The following ZNF567 variants were observed in gnomAD, a reference collection of about 807,000 sequenced individuals.
The protein encoded by ZNF567 is zinc finger protein 567.
ZNF567 carries 36 observed loss-of-function variants against 53.9 expected under a neutral mutation model. That is an observed-to-expected ratio of 0.67 (90% confidence interval 0.51 to 0.88). The LOEUF is 0.88. Ranked by LOEUF, ZNF567 falls within the 40% of genes least tolerant of loss-of-function variation. The pLI is 0.00. For synonymous variants in ZNF567, 224 were observed against 260.4 expected, an observed-to-expected ratio of 0.86 and a Z score of 1.35; for missense variants, 619 against 764.7, an observed-to-expected ratio of 0.81 and a Z score of 2.25.
At position 36,697,725 on chromosome 19, in the gene ZNF567, C is replaced by T. The variant is rs540784148; in HGVS notation, c.9+2849C>T. Among the ~76,000 whole-genome samples, 4 of 151,492 alleles carry T rather than the reference C, an allele frequency of 2.6e-5. No individual in the cohort carries two copies. In the South Asian group the frequency reaches 6.3e-4, roughly 24 times the overall value. ...CTCCCAGGTTCAAGCGATTCTGGTG[C>T]GTCAGCCTCCCACGTAGCTGGGATT... On this transcript the variant is annotated intron_variant, in intron 3 of 5. Transcript: ENST00000682579.
chr19:36,677,736 C>T, the ZNF567 span, among the ~76,000 whole-genome samples: 1 of 152,004 alleles, frequency 6.6e-6, no homozygotes, highest in African/African-American at 2.4e-5. Context: ...CACTGCACTC[C>T]AATCTGGGCA....
intron 5 of ZNF567, among the ~76,000 whole-genome samples, chr19:36,713,284 A>G (rs570520296): frequency 6.6e-6 from 1 of 152,140 alleles, no homozygotes; most frequent in East Asian, 1.9e-4. Context: ...GCAAAACCCC[A>G]TCTTTACAAA....
chr19:36,714,320 C>G (rs1024565349), intron 5 of ZNF567: 1 of 337,320 alleles, frequency 3.0e-6, no homozygotes, highest in African/African-American at 2.1e-5. Flanking sequence ...CATCAACAGG[C>G]CTGGCTAACT....
intron 5 of ZNF567, 149 bp from the exon 6 acceptor site, chr19:36,718,799 G>T: frequency 1.9e-6 from 1 of 536,766 alleles, no homozygotes; most frequent in Non-Finnish European, 3.2e-6. Context: ...AGCAGTTTTT[G>T]TTTAGGTTCC....
chr19:36,671,204 T>C, the ZNF567 span, among the ~76,000 whole-genome samples: 2 of 152,212 alleles, frequency 1.3e-5, no homozygotes, highest in South Asian at 2.1e-4. Flanking sequence ...GCAAGTACTC[T>C]AGATTTATTG....
At position 36,720,743 on chromosome 19, in the gene ZNF567, A is replaced by G; in HGVS notation, c.*75A>G. The stretch of plus-strand genomic sequence containing the variant: ...GTTTTAAAAAGAAAAGCATGCTGAA[A>G]CATGTTAATGTAATTTTAAATCACA... On this transcript the variant is annotated 3_prime_UTR_variant, in exon 6 of 6. Transcript: ENST00000682579. The G allele has an allele frequency of 7.6e-7, 1 of 1,310,288 alleles. No homozygotes were observed. 81.2% of individuals were successfully genotyped at this position (1,310,288 alleles called of 1,614,324 possible).
At chr19:36,712,634 G>GA in intron 4 of ZNF567, 122 bp downstream of exon 4, 1 of 1,462,146 alleles carries the variant, frequency 6.8e-7, no homozygotes, top group South Asian at 1.2e-5. Flanking sequence ...CAGAATGAAT[G>GA]ATTGTGTCTT....
At chr19:36,672,219 G>A in the ZNF567 span, among the ~76,000 whole-genome samples, 13 of 152,238 alleles carry the variant, frequency 8.5e-5, no homozygotes, top group Admixed American at 4.6e-4. Flanking sequence ...GAAATAGCCA[G>A]ATGTGACATT....
At chr19:36,708,046 CCA>C (rs1353709695) in intron 3 of ZNF567, among the ~76,000 whole-genome samples, 2 of 152,084 alleles carry the variant, frequency 1.3e-5, no homozygotes. Context: ...CAGGTGTGTG[CCA>C]CCACACCTAG....
In ZNF567 at chr19:36,712,770, TCAC is replaced by T; in HGVS notation, c.137-10_137-8del. On this transcript the variant is annotated splice_polypyrimidine_tract_variant and splice_region_variant and intron_variant, in intron 4 of 5. Transcript: ENST00000682579. ...AGCCCAATCAACTTAAGTCTTTTTT[TCAC>T]TTTTCAGGGTGTCACATGACCAAAC... 6.2e-7 allele frequency: 1 copy of T among 1,611,636 alleles called. No individual in the cohort carries two copies. The highest frequency in any genetic ancestry group is 1.7e-5 in the Admixed American group (1 of 59,344).
chr19:36,691,293 G>A (rs560443945), intron 2 of ZNF567, among the ~76,000 whole-genome samples: 83 of 152,108 alleles, frequency 5.5e-4, no homozygotes, highest in Admixed American at 1.3e-3. Flanking sequence ...CAAGTAGCTG[G>A]GACTACAGGC....
chr19:36,671,464 G>A, the ZNF567 span, among the ~76,000 whole-genome samples: 1 of 152,176 alleles, frequency 6.6e-6, no homozygotes, highest in Non-Finnish European at 1.5e-5. Flanking sequence ...CATTTACCAA[G>A]TGATCCAAAA....
intron 3 of ZNF567, among the ~76,000 whole-genome samples, chr19:36,696,490 T>A (rs2038896218): frequency 1.3e-5 from 2 of 152,188 alleles, no homozygotes; most frequent in Admixed American, 1.3e-4. Flanking sequence ...TTCACCTCAT[T>A]GTCTCCTTCT....
Position 36,719,488 on chromosome 19 carries a change from G to T in ZNF567, c.764G>T (p.Cys255Phe). 6.2e-7 allele frequency: 1 copy of T among 1,611,804 alleles called. No homozygotes were observed. Among genetic ancestry groups the T allele is most frequent in the Non-Finnish European group, 8.5e-7 (1 of 1,179,294 alleles). The stretch of plus-strand genomic sequence containing the variant: ...ACCAATATTGAAAAAAAACATACAT[G>T]CAATGAATGTGGGAAATCTTTCTGC... ...RATNIEKKHTCNECGKSFCRK... is the reference protein window; with the variant it reads ...RATNIEKKHTFNECGKSFCRK... The change falls in exon 6 of 6, where the codon TGC becomes TTC. Residue 255 changes from cysteine (C) to phenylalanine (F), a missense_variant. Cys to Phe is a radical substitution (Grantham distance 205). Coordinates refer to ENST00000682579, the MANE Select transcript of ZNF567 (RefSeq NM_001322917.1).
At chr19:36,691,851 T>C (rs2038631926) in intron 2 of ZNF567, among the ~76,000 whole-genome samples, 1 of 152,236 alleles carries the variant, frequency 6.6e-6, no homozygotes, top group African/African-American at 2.4e-5. Flanking sequence ...TCTCACTATG[T>C]TGCCCAGGCT....
chr19:36,674,202 G>A, the ZNF567 span, among the ~76,000 whole-genome samples: 9 of 152,156 alleles, frequency 5.9e-5, no homozygotes, highest in African/African-American at 2.2e-4. Flanking sequence ...CCTAGAAGTG[G>A]GGGGTTTCTG....
Position 36,720,139 on chromosome 19 carries a change from C to A in ZNF567, c.1415C>A (p.Thr472Lys). ...CTTGTAGCACATCAGAGAACACATACAGGGGAGAAATCTTATGAATGTCCT... is the reference window on the plus strand; with the variant it reads ...CTTGTAGCACATCAGAGAACACATAAAGGGGAGAAATCTTATGAATGTCCT... Reference protein sequence around the residue: ...TTLVAHQRTHTGEKSYECPHC... With the variant: ...TTLVAHQRTHKGEKSYECPHC... The change falls in exon 6 of 6, where the codon ACA (threonine) becomes AAA (lysine). Residue 472 changes from threonine (T) to lysine (K), a missense_variant. Thr to Lys is a moderately conservative substitution (Grantham distance 78, BLOSUM62 -1). Coordinates refer to ENST00000682579, the MANE Select transcript of ZNF567 (RefSeq NM_001322917.1). 1.9e-6 allele frequency: 3 copies of A among 1,613,902 alleles called. No homozygotes were observed. The highest frequency in any genetic ancestry group is 2.5e-6 in the Non-Finnish European group (3 of 1,179,968).
Position 36,710,649 on chromosome 19 carries a change from C to T in ZNF567, c.10-1737C>T, listed in dbSNP as rs188280261. On this transcript the variant is annotated intron_variant, in intron 3 of 5. Transcript: ENST00000682579. ...CCTCCTGAAAGCAGATAGGTTCTCT[C>T]TTGTGTTCATCTGCTTTTCTCTCAA... 3.0e-4 allele frequency among the ~76,000 whole-genome samples: 45 copies of T among 152,254 alleles called. 1 individual carries two copies. The highest frequency in any genetic ancestry group is 1.0e-3 in the African/African-American group (43 of 41,540).
downstream of ZNF567, among the ~76,000 whole-genome samples, chr19:36,725,775 A>T (rs2040333307): frequency 6.6e-6 from 1 of 152,146 alleles, no homozygotes; most frequent in Non-Finnish European, 1.5e-5. Context: ...CAGCTTCCTG[A>T]GTAGCTGGGA....
Sources: allele counts gnomAD v4.1 joint callset (sites outside exome capture counted in the v4.1 genomes callset), GRCh38; gene constraint gnomAD v4.1.1; transcripts MANE v1.5; gene names NCBI Gene and HGNC (gene_info 2026-07-23, HGNC 2026-07-21).